The following IL31RA variants were observed in gnomAD, a reference collection of about 807,000 sequenced individuals.
The protein encoded by IL31RA is interleukin 31 receptor A.
IL31RA carries 66 observed loss-of-function variants against 83.7 expected under a neutral mutation model. The ratio of observed to expected loss-of-function variants is 0.79; its 90% CI spans 0.65 to 0.97. The LOEUF is 0.97. Among genes scored for constraint, IL31RA ranks in the 50% least tolerant of loss-of-function variants. IL31RA has a pLI of 0.00. For missense variants in IL31RA, 798 were observed against 919.4 expected (o/e 0.87, Z 1.71); for synonymous variants, 325 against 329.0 (o/e 0.99, Z 0.13).
At chr5:55,915,996 AG>A (rs1749760058) in intron 14 of IL31RA, among the ~76,000 whole-genome samples, 1 of 152,224 alleles carries the variant, frequency 6.6e-6, no homozygotes, top group South Asian at 2.1e-4. Flanking sequence ...TCCATCCCTA[AG>A]AGTTCTAATT....
chr5:55,914,913 T>C lies in IL31RA; in HGVS notation c.1803T>C (p.His601=), dbSNP rs1181148839. The C allele has an allele frequency of 3.8e-5, 62 of 1,612,334 alleles. 1 individual carries two copies. The Admixed American group carries it at 1.0e-3, about 26-fold the overall frequency. Residue 601 remains histidine, a synonymous_variant, in exon 14 of 15, where the codon CAT becomes CAC. Coordinates refer to ENST00000652347, the MANE Select transcript of IL31RA (RefSeq NM_139017.7). Reference sequence around the variant, plus strand: ...CTGAAAGTAGTATAGCCACATGGCATGGAGATGATTTCAAGGTAAACTCTC... The same window carrying C: ...CTGAAAGTAGTATAGCCACATGGCACGGAGATGATTTCAAGGTAAACTCTC... ...NPAESSIATW[H]GDDFKDKLNL...
chr5:55,882,215 A>G (rs1747283828), intron 4 of IL31RA, among the ~76,000 whole-genome samples: 1 of 152,160 alleles, frequency 6.6e-6, no homozygotes, highest in African/African-American at 2.4e-5. Context: ...CTCATGCCTG[A>G]TTAGCTACCT....
chr5:55,861,540 C>T (rs574347394), intron 2 of IL31RA, among the ~76,000 whole-genome samples: 48 of 152,282 alleles, frequency 3.2e-4, no homozygotes, highest in African/African-American at 9.6e-4. Context: ...CGAAACCATC[C>T]GTACCCCAGG....
At chr5:55,889,758 G>A (rs747570071) in intron 5 of IL31RA, among the ~76,000 whole-genome samples, 26 of 152,196 alleles carry the variant, frequency 1.7e-4, no homozygotes, top group Non-Finnish European at 3.7e-4. Context: ...AATGGGAAGG[G>A]AGTTGGTGGT....
chr5:55,906,388 G>C, intron 9 of IL31RA, 100 bp downstream of exon 9: 1 of 1,102,398 alleles, frequency 9.1e-7, no homozygotes, highest in Non-Finnish European at 1.4e-6. Context: ...TGTTAGTGTG[G>C]TTAATAGCAT....
In IL31RA at chr5:55,851,363, T is replaced by C. The variant is rs971642735; in HGVS notation, c.-208T>C. On this transcript the variant is annotated 5_prime_UTR_variant, in exon 1 of 15. Coordinates refer to ENST00000652347, the MANE Select transcript of IL31RA (RefSeq NM_139017.7). ...CATATTTTCTCCATGAGGCACAGCC[T>C]CCTTCTGCTTAGGAACACCAGACAG... The C allele has an allele frequency of 9.0e-5, 68 of 752,662 alleles. No homozygotes were observed. Among genetic ancestry groups the C allele is most frequent in the Non-Finnish European group, 2.2e-5 (10 of 464,128 alleles). The allele number at this position is 752,662 out of a possible 1,614,324, so 46.6% of individuals were successfully genotyped here.
chr5:55,847,226 G>GA (rs57491641), upstream of IL31RA, among the ~76,000 whole-genome samples: 48 of 118,820 alleles, frequency 4.0e-4, no homozygotes, highest in Middle Eastern at 4.2e-3. Flanking sequence ...CTGGGCAACA[G>GA]AAAAAAAAAA....
chr5:55,895,850 G>A (rs1047782167), intron 6 of IL31RA, among the ~76,000 whole-genome samples: 1 of 152,122 alleles, frequency 6.6e-6, no homozygotes, highest in Admixed American at 6.5e-5. Flanking sequence ...AGCTCAAGGA[G>A]GGACCTAGTG....
At chr5:55,862,988 A>G (rs568716025) in intron 2 of IL31RA, among the ~76,000 whole-genome samples, 1 of 152,368 alleles carries the variant, frequency 6.6e-6, no homozygotes, top group African/African-American at 2.4e-5. Flanking sequence ...CTGATTGCCA[A>G]CAAGGAGGAA....
At chr5:55,890,263 CCA>C in intron 6 of IL31RA, 128 bp downstream of exon 6, 1 of 848,484 alleles carries the variant, frequency 1.2e-6, no homozygotes, top group Non-Finnish European at 2.0e-6. Context: ...GCCCCCTGTA[CCA>C]TCGAGAGTGA....
In IL31RA at chr5:55,906,202, T is replaced by C. The variant is rs756853103; in HGVS notation, c.1166T>C (p.Ile389Thr). The change falls in exon 9 of 15, where the codon ATT (isoleucine) becomes ACT (threonine). Residue 389 changes from isoleucine to threonine, a missense_variant. Physicochemically the swap from Ile to Thr is moderately conservative, Grantham distance 89 (BLOSUM62 -1). Transcript: ENST00000652347. Reference sequence around the variant, plus strand: ...GCTCTAGACGTGAACACTTGGATGATTGAATGGTTTCCGGATGTGGACTCA... The same window carrying C: ...GCTCTAGACGTGAACACTTGGATGACTGAATGGTTTCCGGATGTGGACTCA... ...SSALDVNTWM[I>T]EWFPDVDSEP... 3.7e-6 allele frequency: 6 copies of C among 1,614,092 alleles called. No homozygotes were observed. The African/African-American group carries it at 5.3e-5, about 14-fold the overall frequency.
intron 12 of IL31RA, 70 bp from the exon 13 acceptor site, chr5:55,913,407 A>C: frequency 2.1e-6 from 2 of 964,862 alleles, no homozygotes; most frequent in Non-Finnish European, 3.4e-6. Context: ...CTAGAAGAAA[A>C]AGTTAATCAT....
At chr5:55,891,958 C>A (rs1194250773) in intron 6 of IL31RA, among the ~76,000 whole-genome samples, 5 of 151,624 alleles carry the variant, frequency 3.3e-5, no homozygotes, top group African/African-American at 1.2e-4. Flanking sequence ...TGTATTTTTA[C>A]TAGAGATGGA....
chr5:55,840,077 G>A, the IL31RA span: 1 of 354,918 alleles, frequency 2.8e-6, no homozygotes, highest in South Asian at 3.1e-5. Flanking sequence ...GACTTCGGCA[G>A]GGCTAAAAAG....
intron 4 of IL31RA, among the ~76,000 whole-genome samples, chr5:55,873,348 T>TTTTC (rs1393325438): frequency 3.3e-5 from 5 of 152,196 alleles, no homozygotes; most frequent in African/African-American, 1.2e-4. Context: ...TTGATTATTA[T>TTTTC]GAATAATGTT....
chr5:55,916,960 G>C lies in IL31RA; in HGVS notation c.2135G>C (p.Arg712Pro). Reference protein sequence around the residue: ...YLRSRMPEGTRPEAKEQLLFS... With the variant: ...YLRSRMPEGTPPEAKEQLLFS... ...CGTTCGAGGATGCCAGAGGGGACCC[G>C]CCCAGAAGCCAAAGAGCAGCTTCTC... The change falls in exon 15 of 15, where the codon CGC (arginine) becomes CCC (proline). Residue 712 changes from arginine to proline, a missense_variant. Arg to Pro is a moderately radical substitution (Grantham distance 103). Transcript: ENST00000652347. 6.2e-7 allele frequency: 1 copy of C among 1,613,916 alleles called. No individual in the cohort carries two copies. Among genetic ancestry groups the C allele is most frequent in the Non-Finnish European group, 8.5e-7 (1 of 1,179,898 alleles).
At position 55,859,677 on chromosome 5, in the gene IL31RA, G is replaced by A. The variant is rs764282837; in HGVS notation, c.154+78G>A. 3.3e-4 allele frequency: 331 copies of A among 1,000,056 alleles called. 2 individuals are homozygous for A. Among genetic ancestry groups the A allele is most frequent in the Non-Finnish European group, 4.8e-4 (297 of 620,580 alleles). The allele number at this position is 1,000,056 out of a possible 1,614,324, so 61.9% of individuals were successfully genotyped here. A position where few individuals can be genotyped will look rare whatever the true frequency, so the allele number is the denominator to read the frequency against. ...GGACAAGAGTTGTTAACTTTAAAGC[G>A]ACACCTGGATTATGGACATCCACAG... On this transcript the variant is annotated intron_variant, in intron 2 of 14. Coordinates refer to ENST00000652347, the MANE Select transcript of IL31RA (RefSeq NM_139017.7).
intron 3 of IL31RA, 87 bp downstream of exon 3, chr5:55,868,995 G>C: frequency 2.4e-6 from 2 of 828,332 alleles, no homozygotes; most frequent in Non-Finnish European, 4.2e-6. Context: ...CCCATATGAA[G>C]CAAAAAGTTT....
At chr5:55,854,285 C>G (rs1745227265) in intron 1 of IL31RA, among the ~76,000 whole-genome samples, 1 of 152,174 alleles carries the variant, frequency 6.6e-6, no homozygotes, top group Non-Finnish European at 1.5e-5. Context: ...CATCTGACAG[C>G]TCGCAATCTC....
Sources: gnomAD v4.1 joint callset for allele counts (sites outside exome capture counted in the v4.1 genomes callset) on GRCh38, gnomAD v4.1.1 for gene constraint, MANE v1.5 for transcripts, NCBI Gene and HGNC (gene_info 2026-07-23, HGNC 2026-07-21) for gene names.